The following EFCAB8 variants were observed in gnomAD, a reference collection of about 807,000 sequenced individuals.
EFCAB8 encodes the protein EF-hand calcium binding domain 8, also known as EF-hand calcium-binding domain-containing protein 8.
Under a neutral mutation model 116.3 loss-of-function variants are expected in EFCAB8, and 100 were observed. That is an observed-to-expected ratio of 0.86 (90% CI 0.73 to 1.02). The LOEUF (loss-of-function observed/expected upper bound fraction) is 1.02. Among genes scored for constraint, EFCAB8 ranks in the 50% least tolerant of loss-of-function variants. The pLI is 0.00. For missense variants in EFCAB8, 1,320 were observed against 1,416.9 expected, an observed-to-expected ratio of 0.93 and a Z score of 1.10; for synonymous variants, 558 against 567.9, an observed-to-expected ratio of 0.98 and a Z score of 0.25.
chr20:32,860,200 G>A (rs1275966004), intron 1 of EFCAB8, among the ~76,000 whole-genome samples: 1 of 152,106 alleles, frequency 6.6e-6, no homozygotes, highest in African/African-American at 2.4e-5. Context: ...CCCAGCTACT[G>A]AGGAGGCTGA....
At chr20:32,914,886 T>C (rs1263532930) in intron 17 of EFCAB8, among the ~76,000 whole-genome samples, 1 of 150,134 alleles carries the variant, frequency 6.7e-6, no homozygotes, top group Non-Finnish European at 1.5e-5. Context: ...ATGAATCTTT[T>C]AAGTTCTGCT....
At chr20:32,940,768 A>T (rs1988380851) in intron 22 of EFCAB8, among the ~76,000 whole-genome samples, 1 of 150,188 alleles carries the variant, frequency 6.7e-6, no homozygotes. Flanking sequence ...ATCTAAATAA[A>T]CATTTCTTCA....
At chr20:32,900,422 G>A (rs769790507) in intron 11 of EFCAB8, among the ~76,000 whole-genome samples, 5 of 151,608 alleles carry the variant, frequency 3.3e-5, no homozygotes, top group Non-Finnish European at 5.9e-5. Context: ...GTGCAGTGGC[G>A]CAATCTCGGC....
At chr20:32,917,006 TC>T (rs11483888) in intron 17 of EFCAB8, 682 of 331,728 alleles carry the variant, frequency 2.1e-3, no homozygotes, top group East Asian at 4.2e-3. Context: ...GGCCACAATG[TC>T]CCCCCCCCTT....
chr20:32,933,081 C>T (rs1987970656), intron 22 of EFCAB8, among the ~76,000 whole-genome samples: 1 of 152,110 alleles, frequency 6.6e-6, no homozygotes, highest in African/African-American at 2.4e-5. Context: ...TCATTAATCT[C>T]CATAATGACT....
chr20:32,864,432 ATAAAT>A (rs1376593748), intron 2 of EFCAB8, among the ~76,000 whole-genome samples: 1 of 152,068 alleles, frequency 6.6e-6, no homozygotes, highest in African/African-American at 2.4e-5. Context: ...AAAGTAAAAA[ATAAAT>A]TAGGCATGGT....
At chr20:32,942,626 T>G (rs1376758221) in intron 22 of EFCAB8, among the ~76,000 whole-genome samples, 1 of 152,214 alleles carries the variant, frequency 6.6e-6, no homozygotes, top group Non-Finnish European at 1.5e-5. Flanking sequence ...ATTTTATTTA[T>G]GATGACTTAA....
chr20:32,958,613 CAGG>C, intron 24 of EFCAB8, 63 bp downstream of exon 24: 1 of 410,900 alleles, frequency 2.4e-6, no homozygotes, highest in Non-Finnish European at 4.4e-6. Context: ...TGAGTCTTCC[CAGG>C]TCCTGGGAAG....
chr20:32,893,283 AG>A lies in EFCAB8; in HGVS notation c.871del (p.Ala291ProfsTer16), dbSNP rs1568914209. On this transcript the variant is annotated frameshift_variant, in exon 9 of 27. Transcript: ENST00000400522. LOFTEE classifies it high-confidence loss of function. ...GCTGTTCAACCCCCGTATCCTCCCC[AG>A]GGCCTCCAAGTGGGGTAGCTAAGAT... ...SGLFNPRILP[R>X]ASKWDHWIKV... 6.4e-7 allele frequency: 1 copy of A among 1,551,736 alleles called. No homozygotes were observed. The highest frequency in any genetic ancestry group is 8.7e-7 in the Non-Finnish European group (1 of 1,146,984).
chr20:32,931,348 ACT>A lies in EFCAB8; in HGVS notation c.2790+13_2790+14del. 6.5e-7 allele frequency: 1 copy of A among 1,526,862 alleles called. No individual in the cohort carries two copies. 94.6% of individuals were successfully genotyped at this position (1,526,862 alleles called of 1,614,324 possible). On this transcript the variant is annotated intron_variant, in intron 22 of 26. Transcript: ENST00000400522. The stretch of plus-strand genomic sequence containing the variant: ...TGGAGGATAAAGAGGTAGGAGGATT[ACT>A]GGAGAGTTGCTCAGGAAAGTGCCTT...
intron 3 of EFCAB8, among the ~76,000 whole-genome samples, chr20:32,875,012 G>C (rs985479126): frequency 6.6e-6 from 1 of 152,106 alleles, no homozygotes; most frequent in African/African-American, 2.4e-5. Flanking sequence ...GCCTCCCAGA[G>C]TGCTGGGATT....
At chr20:32,889,914 A>T (rs920935857) in intron 7 of EFCAB8, among the ~76,000 whole-genome samples, 11 of 151,766 alleles carry the variant, frequency 7.2e-5, no homozygotes, top group Non-Finnish European at 1.2e-4. Flanking sequence ...AGGCAGGAGA[A>T]TCGCTTGAAC....
intron 17 of EFCAB8, among the ~76,000 whole-genome samples, chr20:32,914,515 T>C (rs1410240088): frequency 2.0e-5 from 3 of 152,212 alleles, no homozygotes; most frequent in Non-Finnish European, 4.4e-5. Context: ...TGAGACTGGA[T>C]AATTTATGAC....
At chr20:32,883,423 GCT>G (rs1985443016) in intron 5 of EFCAB8, among the ~76,000 whole-genome samples, 1 of 152,192 alleles carries the variant, frequency 6.6e-6, no homozygotes, top group South Asian at 2.1e-4. Context: ...GTCCCTGCCA[GCT>G]CTCTAGCTTC....
intron 1 of EFCAB8, among the ~76,000 whole-genome samples, chr20:32,862,027 T>A (rs1984140870): frequency 6.6e-6 from 1 of 152,154 alleles, no homozygotes; most frequent in Non-Finnish European, 1.5e-5. Flanking sequence ...AGCGTCCCAT[T>A]CTCCTAGCTG....
chr20:32,957,464 C>A (rs997324870), intron 23 of EFCAB8, among the ~76,000 whole-genome samples: 3 of 152,070 alleles, frequency 2.0e-5, no homozygotes, highest in African/African-American at 7.2e-5. Flanking sequence ...TGGGTTGGGG[C>A]TGGATAGCAG....
intron 6 of EFCAB8, among the ~76,000 whole-genome samples, chr20:32,889,098 C>T (rs940525694): frequency 3.3e-5 from 5 of 152,034 alleles, no homozygotes; most frequent in Admixed American, 3.3e-4. Flanking sequence ...GTTCTTTAAG[C>T]CCATTTTACG....
At chr20:32,955,185 C>G (rs1047139227) in intron 23 of EFCAB8, among the ~76,000 whole-genome samples, 12 of 152,170 alleles carry the variant, frequency 7.9e-5, no homozygotes, top group African/African-American at 1.4e-4. Context: ...CTTATCCTAG[C>G]TGGCCATTAG....
chr20:32,938,829 GT>G (rs1988222160), intron 22 of EFCAB8, among the ~76,000 whole-genome samples: 1 of 149,834 alleles, frequency 6.7e-6, no homozygotes, highest in African/African-American at 2.5e-5. Context: ...ACTGGATGTT[GT>G]TAATATAGCA....
Sources: gnomAD v4.1 joint callset for allele counts (sites outside exome capture counted in the v4.1 genomes callset) on GRCh38, gnomAD v4.1.1 for gene constraint, MANE v1.5 for transcripts, NCBI Gene and HGNC (gene_info 2026-07-23, HGNC 2026-07-21) for gene names.